SIM1: variants seen among roughly 807,000 people sequenced by gnomAD.
SIM1 encodes single-minded homolog 1.
In SIM1, 18 loss-of-function variants were observed where a neutral mutation model predicts 78.2. That is an observed-to-expected ratio of 0.23 (90% CI 0.16 to 0.34). The LOEUF (loss-of-function observed/expected upper bound fraction) is 0.34. SIM1 is among the 10% of genes least tolerant of loss of function. The pLI is 1.00. For missense variants in SIM1, 939 were observed against 975.1 expected, an observed-to-expected ratio of 0.96 and a Z score of 0.49; for synonymous variants, 417 against 385.2, an observed-to-expected ratio of 1.08 and a Z score of -0.97.
At position 100,447,468 on chromosome 6, in the gene SIM1, C is replaced by T. The variant is rs397662; in HGVS notation, c.851-53G>A. The stretch of plus-strand genomic sequence containing the variant: ...GGTGAACCAGCCTGCCTGGGACTGG[C>T]CCCAAATGCAATCCCTGGTGGTAAG... On this transcript the variant is annotated intron_variant, in intron 8 of 11. Coordinates refer to ENST00000369208, the MANE Select transcript of SIM1 (RefSeq NM_005068.3). 1,397,632 of 1,608,336 alleles carry T rather than the reference C, an allele frequency of 0.87. 608,590 individuals carry two copies. The highest frequency in any genetic ancestry group is 0.98 in the East Asian group (43,924 of 44,784).
intron 10 of SIM1, among the ~76,000 whole-genome samples, chr6:100,397,628 G>T (rs1057085949): frequency 6.6e-6 from 1 of 151,606 alleles, no homozygotes; most frequent in Non-Finnish European, 1.5e-5. Flanking sequence ...GGAGTTTTTA[G>T]ACTTGACAAC....
chr6:100,459,193 C>T (rs926598670), intron 2 of SIM1, among the ~76,000 whole-genome samples: 1 of 152,234 alleles, frequency 6.6e-6, no homozygotes, highest in African/African-American at 2.4e-5. Flanking sequence ...GAAAGCATCC[C>T]ACCATAGCTT....
chr6:100,403,891 CA>C (rs912366794), intron 10 of SIM1, among the ~76,000 whole-genome samples: 9 of 152,102 alleles, frequency 5.9e-5, no homozygotes, highest in African/African-American at 2.2e-4. Flanking sequence ...AAATAAGGTT[CA>C]AAAAATGTTT....
intron 2 of SIM1, among the ~76,000 whole-genome samples, chr6:100,460,198 T>C (rs1396672515): frequency 6.6e-6 from 1 of 151,354 alleles, no homozygotes; most frequent in East Asian, 1.9e-4. Flanking sequence ...GTCAGGCAAA[T>C]AAAAGCTGAA....
At chr6:100,458,103 G>A (rs182194461) in intron 2 of SIM1, among the ~76,000 whole-genome samples, 93 of 150,100 alleles carry the variant, frequency 6.2e-4, no homozygotes, top group Non-Finnish European at 1.2e-3. Context: ...TCGAGTTTGG[G>A]CTTCCCGTAG....
chr6:100,443,959 T>A (rs1479810069), intron 9 of SIM1, among the ~76,000 whole-genome samples: 1 of 152,112 alleles, frequency 6.6e-6, no homozygotes, highest in African/African-American at 2.4e-5. Context: ...TTTTAAAATA[T>A]TTTTAAATAG....
intron 10 of SIM1, among the ~76,000 whole-genome samples, chr6:100,412,966 C>A (rs1771298648): frequency 6.6e-6 from 1 of 152,090 alleles, no homozygotes; most frequent in African/African-American, 2.4e-5. Context: ...CTGATAACTC[C>A]CCTTAACATG....
intron 3 of SIM1, among the ~76,000 whole-genome samples, chr6:100,452,641 C>T (rs1376016149): frequency 1.3e-5 from 2 of 152,124 alleles, no homozygotes; most frequent in African/African-American, 4.8e-5. Flanking sequence ...TGGAAAGTGT[C>T]AGGGACAGTT....
At chr6:100,398,621 TAA>T (rs1770827505) in intron 10 of SIM1, among the ~76,000 whole-genome samples, 1 of 152,138 alleles carries the variant, frequency 6.6e-6, no homozygotes, top group Non-Finnish European at 1.5e-5. Flanking sequence ...CCATCCTTTT[TAA>T]AACTGGAGAG....
intron 10 of SIM1, among the ~76,000 whole-genome samples, chr6:100,415,372 T>C (rs1771372050): frequency 6.6e-6 from 1 of 152,214 alleles, no homozygotes; most frequent in Non-Finnish European, 1.5e-5. Flanking sequence ...GAAAAATACA[T>C]TGCTATTTTC....
At chr6:100,437,570 T>G (rs1772088274) in intron 9 of SIM1, 1 of 142,702 alleles carries the variant, frequency 7.0e-6, no homozygotes, top group South Asian at 2.2e-4. Flanking sequence ...TATGTCTAGA[T>G]GCTAAAAAGA....
Position 100,449,443 on chromosome 6 carries a change from C to T in SIM1, c.463G>A (p.Glu155Lys), listed in dbSNP as rs1772453723. 2 of 1,613,926 alleles carry T rather than the reference C, an allele frequency of 1.2e-6. No homozygotes were observed. The highest frequency in any genetic ancestry group is 1.7e-6 in the Non-Finnish European group (2 of 1,179,802). Residue 155 changes from glutamate (E) to lysine (K), a missense_variant, in exon 6 of 12, where the codon GAG becomes AAG. Glu to Lys is a moderately conservative substitution (Grantham distance 56). This residue lies in a region of SIM1 where 187 missense variants were observed against 191.6 expected (regional missense o/e 0.98). Transcript: ENST00000369208. ...PYHSHFVQEY[E>K]IERSFFLRMK... ...CTCAGGAAGAAGGAGCGCTCGATCT[C>T]ATACTCTGGGAGAGAGGAACGAAGG...
chr6:100,448,690 G>C lies in SIM1; in HGVS notation c.544-12C>G. 6.2e-7 allele frequency: 1 copy of C among 1,605,094 alleles called. No homozygotes were observed. Among genetic ancestry groups the C allele is most frequent in the Non-Finnish European group, 8.5e-7 (1 of 1,178,162 alleles). Reference sequence around the variant, plus strand: ...CTGCAGTGGATGACCTGAGGCAGAGGGATAGGGAGGGAGACTCAGCCACAG... The same window carrying C: ...CTGCAGTGGATGACCTGAGGCAGAGCGATAGGGAGGGAGACTCAGCCACAG... On this transcript the variant is annotated splice_polypyrimidine_tract_variant and intron_variant, in intron 6 of 11. Transcript: ENST00000369208.
At position 100,385,690 on chromosome 6, in the gene SIM1, T is replaced by TGTGTGTGC. The variant is rs1208092177; in HGVS notation, c.*4670_*4671insGCACACAC. The TGTGTGTGC allele has an allele frequency of 6.6e-6, 1 of 151,670 alleles. No homozygotes were observed. Among genetic ancestry groups the TGTGTGTGC allele is most frequent in the South Asian group, 2.1e-4 (1 of 4,780 alleles). The allele number at this position is 151,670 out of a possible 1,614,324, so 9.4% of individuals were successfully genotyped here. A position where few individuals can be genotyped will look rare whatever the true frequency, so the allele number is the denominator to read the frequency against. On this transcript the variant is annotated 3_prime_UTR_variant, in exon 12 of 12. Coordinates refer to ENST00000369208, the MANE Select transcript of SIM1 (RefSeq NM_005068.3). ...ATTTATGTGTGTGTGTGTGTGTGTG[T>TGTGTGTGC]GTGTGTGTGTGTGTGTGTGTTATAA... is the stretch of plus-strand genomic sequence containing the variant.
chr6:100,431,407 C>T (rs886225362), intron 9 of SIM1, among the ~76,000 whole-genome samples: 2 of 152,106 alleles, frequency 1.3e-5, no homozygotes, highest in African/African-American at 4.8e-5. Context: ...GCTAAATATA[C>T]ATTAAACTCT....
intron 9 of SIM1, among the ~76,000 whole-genome samples, chr6:100,426,024 T>C (rs1043177478): frequency 6.6e-6 from 1 of 152,224 alleles, no homozygotes; most frequent in African/African-American, 2.4e-5. Flanking sequence ...TCAAGGGCAG[T>C]TCATGCTGTT....
chr6:100,439,166 G>A (rs1387248545), intron 9 of SIM1, among the ~76,000 whole-genome samples: 1 of 152,138 alleles, frequency 6.6e-6, no homozygotes, highest in African/African-American at 2.4e-5. Context: ...AGAATGTAAA[G>A]AAAGAGAGAA....
At chr6:100,422,608 C>T (rs759191089) in intron 9 of SIM1, among the ~76,000 whole-genome samples, 2 of 152,082 alleles carry the variant, frequency 1.3e-5, no homozygotes, top group Non-Finnish European at 2.9e-5. Flanking sequence ...ATTGGTTCTT[C>T]TATAGCAAGA....
chr6:100,412,721 AAGAAAG>A, intron 10 of SIM1, among the ~76,000 whole-genome samples: 1 of 139,576 alleles, frequency 7.2e-6, no homozygotes, highest in African/African-American at 2.9e-5. Context: ...GAAAGAAAGA[AAGAAAG>A]AAAGAAAGAA....
Sources: gnomAD v4.1 joint callset for allele counts (sites outside exome capture counted in the v4.1 genomes callset) on GRCh38, gnomAD v4.1.1 for gene constraint, gnomAD v4.1.1 regional missense constraint, MANE v1.5 for transcripts, NCBI Gene and HGNC (gene_info 2026-07-23, HGNC 2026-07-21) for gene names.